Variants in SMCO2 observed in about 807,000 individuals in gnomAD.
SMCO2 encodes the protein single-pass membrane protein with coiled-coil domains 2.
In SMCO2, 25 loss-of-function variants were observed where a neutral mutation model predicts 29.5. The observed-to-expected ratio is 0.85, with a 90% CI of 0.62 to 1.18. The LOEUF (loss-of-function observed/expected upper bound fraction) is 1.18. Among genes scored for constraint, SMCO2 ranks in the 50% most tolerant of loss-of-function variants. SMCO2 has a pLI of 0.00. For synonymous variants in SMCO2, 117 were observed against 123.3 expected (o/e 0.95, Z 0.34); for missense variants, 348 against 344.5 (o/e 1.01, Z -0.08).
chr12:27,428,817 A>C, the SMCO2 span, among the ~76,000 whole-genome samples: 2 of 48,348 alleles, frequency 4.1e-5, no homozygotes, highest in Non-Finnish European at 8.9e-5. Context: ...AAATAAATGT[A>C]CTTTTTTTTT....
At chr12:27,475,087 A>G (rs1462070147) in intron 4 of SMCO2, among the ~76,000 whole-genome samples, 174 bp downstream of exon 4, 1 of 152,194 alleles carries the variant, frequency 6.6e-6, no homozygotes, top group Non-Finnish European at 1.5e-5. Context: ...AATGTGGTGT[A>G]AGGACATTTT....
chr12:27,428,706 T>C, the SMCO2 span, among the ~76,000 whole-genome samples: 1 of 151,930 alleles, frequency 6.6e-6, no homozygotes, highest in Non-Finnish European at 1.5e-5. Context: ...GACAGTTTCT[T>C]AGACACTCCT....
the SMCO2 span, among the ~76,000 whole-genome samples, chr12:27,445,803 G>C: frequency 6.6e-6 from 1 of 152,192 alleles, no homozygotes; most frequent in Admixed American, 6.5e-5. Context: ...CTGGAGAATA[G>C]AAGTCCAAGA....
intron 5 of SMCO2, among the ~76,000 whole-genome samples, chr12:27,489,593 T>C (rs1315104417): frequency 2.0e-5 from 3 of 152,144 alleles, no homozygotes; most frequent in Non-Finnish European, 4.4e-5. Flanking sequence ...AAAATTCTCT[T>C]TTATTAAAGG....
rs971279040 is a variant in SMCO2, at chr12:27,495,425, A to G, written c.508-255A>G. ...ATTTAGTACAAGGACATCTTCCTAC[A>G]TTAATAATCTAGTGGTTAAAGATTA... On this transcript the variant is annotated intron_variant, in intron 6 of 7. Coordinates refer to ENST00000298876, the Ensembl canonical transcript of SMCO2. Among the ~76,000 whole-genome samples the G allele has an allele frequency of 6.0e-5, 9 of 150,700 alleles. 1 individual carries two copies. The highest frequency in any genetic ancestry group is 1.2e-4 in the Non-Finnish European group (8 of 67,940).
chr12:27,480,249 C>T (rs538697865), intron 4 of SMCO2, among the ~76,000 whole-genome samples: 4 of 152,194 alleles, frequency 2.6e-5, no homozygotes, highest in African/African-American at 9.7e-5. Context: ...TGCTGGCAGC[C>T]GATTGGATGG....
the SMCO2 span, among the ~76,000 whole-genome samples, chr12:27,446,320 G>T: frequency 6.6e-6 from 1 of 152,066 alleles, no homozygotes; most frequent in Non-Finnish European, 1.5e-5. Flanking sequence ...AAAGCTCTCT[G>T]GTGCCTCTTC....
At chr12:27,470,809 A>G (rs773242213) in intron 2 of SMCO2, 44 bp downstream of exon 2, 225 of 1,541,048 alleles carry the variant, frequency 1.5e-4, no homozygotes, top group Non-Finnish European at 1.8e-4. Context: ...TAGGGTCCCA[A>G]CTGCAGACGT....
chr12:27,431,033 T>C, the SMCO2 span, among the ~76,000 whole-genome samples: 1 of 152,116 alleles, frequency 6.6e-6, no homozygotes, highest in East Asian at 1.9e-4. Flanking sequence ...CTATCTTTTT[T>C]TTTTTTAAGA....
the SMCO2 span, among the ~76,000 whole-genome samples, chr12:27,449,954 G>T: frequency 0.027 from 4,170 of 152,242 alleles, 326 homozygotes; most frequent in East Asian, 0.29. Context: ...TGCCTTTGCT[G>T]CCTCCCTTCA....
the SMCO2 span, among the ~76,000 whole-genome samples, chr12:27,455,721 G>C: frequency 6.6e-6 from 1 of 152,188 alleles, no homozygotes; most frequent in Non-Finnish European, 1.5e-5. Flanking sequence ...AAATTGAAAA[G>C]AAATGACATA....
chr12:27,476,475 T>C (rs1949587309), intron 4 of SMCO2, among the ~76,000 whole-genome samples: 2 of 152,184 alleles, frequency 1.3e-5, no homozygotes, highest in African/African-American at 4.8e-5. Flanking sequence ...TCCCCAACTG[T>C]TATTGTATTG....
At chr12:27,487,140 T>C (rs1396918956) in intron 4 of SMCO2, among the ~76,000 whole-genome samples, 3 of 152,226 alleles carry the variant, frequency 2.0e-5, no homozygotes, top group Non-Finnish European at 2.9e-5. Flanking sequence ...TTTTATGAGA[T>C]GTTTAGCCTT....
the SMCO2 span, among the ~76,000 whole-genome samples, chr12:27,453,354 G>A: frequency 1.5e-4 from 23 of 152,122 alleles, no homozygotes; most frequent in Non-Finnish European, 5.9e-5. Context: ...ATCCTGTGCC[G>A]GGGCATGTGA....
chr12:27,445,381 G>A, the SMCO2 span, among the ~76,000 whole-genome samples: 688 of 152,050 alleles, frequency 4.5e-3, 9 homozygotes, highest in Non-Finnish European at 5.8e-3. Flanking sequence ...TATATTCCAT[G>A]CACTATTTGG....
intron 4 of SMCO2, among the ~76,000 whole-genome samples, chr12:27,483,013 C>T (rs957620446): frequency 2.0e-5 from 3 of 152,232 alleles, no homozygotes; most frequent in Non-Finnish European, 4.4e-5. Context: ...TGGTGTTAAC[C>T]ACCGTGCCCA....
intron 7 of SMCO2, among the ~76,000 whole-genome samples, chr12:27,496,581 G>A (rs1198195868): frequency 6.6e-6 from 1 of 150,448 alleles, no homozygotes; most frequent in African/African-American, 2.5e-5. Flanking sequence ...CTGGCTCTTT[G>A]GATCCTGTCC....
the SMCO2 span, among the ~76,000 whole-genome samples, chr12:27,433,795 A>T: frequency 6.6e-6 from 1 of 152,232 alleles, no homozygotes; most frequent in African/African-American, 2.4e-5. Context: ...ATGTGTTTAC[A>T]TAGATACAGT....
chr12:27,491,710 CTT>C (rs370875488), intron 5 of SMCO2, among the ~76,000 whole-genome samples: 6 of 143,504 alleles, frequency 4.2e-5, no homozygotes, highest in Non-Finnish European at 3.1e-5. Flanking sequence ...ATATATAGAT[CTT>C]TTTTTTTTTT....
Sources: gnomAD v4.1 joint callset for allele counts (sites outside exome capture counted in the v4.1 genomes callset) on GRCh38, gnomAD v4.1.1 for gene constraint, MANE v1.5 for transcripts, NCBI Gene and HGNC (gene_info 2026-07-23, HGNC 2026-07-21) for gene names.